Variants in SMPD4 observed in about 807,000 individuals in gnomAD.
The protein encoded by SMPD4 is sphingomyelin phosphodiesterase 4.
In SMPD4, 58 loss-of-function variants were observed where a neutral mutation model predicts 97.8. The observed-to-expected ratio is 0.59, with a 90% CI of 0.48 to 0.74. The LOEUF (loss-of-function observed/expected upper bound fraction) is 0.74, where lower values mean the gene tolerates loss of function less well. SMPD4 is among the 30% of genes least tolerant of loss of function. The pLI is 0.00. For missense variants in SMPD4, 853 were observed against 1,080.5 expected (o/e 0.79, Z 2.95); for synonymous variants, 388 against 450.0 (o/e 0.86, Z 1.74).
Position 130,172,951 on chromosome 2 carries a change from C to T in SMPD4, c.346-56G>A, listed in dbSNP as rs1049146103. ...AGGTGCTGGTGCGTAGTGCCCGATA[C>T]GCAGTACCCCACATGCACAGCAGCA... On this transcript the variant is annotated intron_variant, in intron 5 of 19. Transcript: ENST00000680298. 2.8e-5 allele frequency: 43 copies of T among 1,559,810 alleles called. 1 individual carries two copies. Among genetic ancestry groups the T allele is most frequent in the South Asian group, 2.2e-4 (19 of 85,568 alleles).
chr2:130,171,146 T>TG lies in SMPD4; in HGVS notation c.659+1202_659+1203insC, dbSNP rs574626791. Among the ~76,000 whole-genome samples, 618 of 151,304 alleles carry TG rather than the reference T, an allele frequency of 4.1e-3. 4 individuals carry two copies. Among genetic ancestry groups the TG allele is most frequent in the South Asian group, 0.025 (120 of 4,796 alleles). On this transcript the variant is annotated intron_variant, in intron 8 of 19. Transcript: ENST00000680298. The stretch of plus-strand genomic sequence containing the variant: ...ATATAATTTCTTTTCTTTTTTTTTT[T>TG]TGTGTGTGTGTACAGTGGTGCAATC...
chr2:130,158,448 C>T (rs1279542170), intron 11 of SMPD4, among the ~76,000 whole-genome samples: 2 of 152,112 alleles, frequency 1.3e-5, no homozygotes, highest in East Asian at 3.9e-4. Context: ...TCCTGAGTAG[C>T]TGGGACGACA....
Position 130,164,390 on chromosome 2 carries a change from T to C in SMPD4, c.848A>G (p.Gln283Arg). ...AAAACATACCTTGGCATGAGGGGAC[T>C]GCATTTTTTGATACATCTCCAAGGA... ...HYSLEMYQKM[Q>R]SPHAKLEVLH... Residue 283 changes from glutamine (Q) to arginine (R), a missense_variant, in exon 10 of 20, where the codon CAG (glutamine) becomes CGG (arginine). By Grantham distance (43) the Gln-to-Arg change is conservative. Transcript: ENST00000680298. 1 of 1,614,118 alleles carries C rather than the reference T, an allele frequency of 6.2e-7. No homozygotes were observed. Among genetic ancestry groups the C allele is most frequent in the Non-Finnish European group, 8.5e-7 (1 of 1,179,982 alleles).
At chr2:130,158,067 G>A (rs1192225697) in intron 11 of SMPD4, 1 of 577,148 alleles carries the variant, frequency 1.7e-6, no homozygotes, top group East Asian at 7.9e-5. Flanking sequence ...TTCAGCCCAG[G>A]AGTTTGAGGC....
At chr2:130,173,700 C>T (rs377317182) in intron 3 of SMPD4, 44 bp from the exon 4 acceptor site, 11 of 1,611,810 alleles carry the variant, frequency 6.8e-6, no homozygotes, top group Non-Finnish European at 9.3e-6. Context: ...CCAGCACCCA[C>T]TCCTGCCCCG....
At chr2:130,160,112 T>C (rs1687247307) in intron 11 of SMPD4, among the ~76,000 whole-genome samples, 1 of 152,264 alleles carries the variant, frequency 6.6e-6, no homozygotes, top group South Asian at 2.1e-4. Flanking sequence ...CATTTCCCAC[T>C]GGGCTGAGAC....
At chr2:130,180,309 G>A (rs1453343278) in intron 1 of SMPD4, among the ~76,000 whole-genome samples, 5 of 151,068 alleles carry the variant, frequency 3.3e-5, no homozygotes, top group African/African-American at 1.2e-4. Context: ...TCTGGGCTCT[G>A]TCGCACAGGC....
Position 130,153,727 on chromosome 2 carries a change from A to G in SMPD4, c.1868T>C (p.Leu623Pro). ...CCGGAATATCTGGCGCAGGTACTCC[A>G]GGGCCTTCTCCAGGTATTCATCTGT... ...RKTDEYLEKA[L>P]EYLRQIFRLS... Residue 623 changes from leucine to proline, a missense_variant, in exon 17 of 20, where the codon CTG (leucine) becomes CCG (proline). Around this residue, in one of 3 missense-constraint regions of SMPD4, gnomAD observed 511 missense variants for 608.1 expected, o/e 0.84. Coordinates refer to ENST00000680298, the MANE Select transcript of SMPD4 (RefSeq NM_017951.5). 2 of 1,613,900 alleles carry G rather than the reference A, an allele frequency of 1.2e-6. No individual in the cohort carries two copies. Among genetic ancestry groups the G allele is most frequent in the Non-Finnish European group, 1.7e-6 (2 of 1,179,846 alleles).
Position 130,152,606 on chromosome 2 carries a change from G to A in SMPD4, c.2433C>T (p.Tyr811=), listed in dbSNP as rs748021407. The change falls in exon 20 of 20, where the codon TAC becomes TAT. Residue 811 remains tyrosine, a synonymous_variant. Transcript: ENST00000680298. ...TLLLTLGYVL[Y]ASAMTLLTER... ...CGGTCAGCAGTGTCATGGCAGAGGC[G>A]TAGAGGACATAGCCCAGGGTGAGCA... is the stretch of plus-strand genomic sequence containing the variant. 1.9e-5 allele frequency: 29 copies of A among 1,552,028 alleles called. No individual in the cohort carries two copies. Among genetic ancestry groups the A allele is most frequent in the East Asian group, 7.3e-5 (3 of 41,130 alleles).
chr2:130,151,952 A>T lies in SMPD4; in HGVS notation c.*603T>A, dbSNP rs901437353. On this transcript the variant is annotated 3_prime_UTR_variant, in exon 20 of 20. Coordinates refer to ENST00000680298, the MANE Select transcript of SMPD4 (RefSeq NM_017951.5). ...AGCCCCTGGGCTCTGGGAGGGTCTT[A>T]GGCTCCTGAAACATGGAATTCTACG... 2.0e-5 allele frequency: 3 copies of T among 153,090 alleles called. No individual in the cohort carries two copies. Among genetic ancestry groups the T allele is most frequent in the Non-Finnish European group, 4.4e-5 (3 of 68,430 alleles). The allele number at this position is 153,090 out of a possible 1,614,324, so 9.5% of individuals were successfully genotyped here. A position where few individuals can be genotyped will look rare whatever the true frequency, so the allele number is the denominator to read the frequency against.
At chr2:130,172,285 G>A (rs1688546312) in intron 8 of SMPD4, 64 bp downstream of exon 8, 4 of 1,464,468 alleles carry the variant, frequency 2.7e-6, no homozygotes, top group Non-Finnish European at 3.6e-6. Flanking sequence ...GTCCCCGTGG[G>A]CGATGCAAGT....
intron 9 of SMPD4, among the ~76,000 whole-genome samples, chr2:130,165,743 T>C (rs913117877): frequency 2.6e-5 from 4 of 152,288 alleles, no homozygotes; most frequent in Middle Eastern, 3.4e-3. Flanking sequence ...TTCCTTGTTT[T>C]TCATTAGAAG....
chr2:130,177,525 C>T (rs1384895014), intron 1 of SMPD4, among the ~76,000 whole-genome samples: 1 of 151,908 alleles, frequency 6.6e-6, no homozygotes, highest in Non-Finnish European at 1.5e-5. Flanking sequence ...TGGTGAAAAC[C>T]CGTCTCTACC....
intron 15 of SMPD4, chr2:130,154,800 C>T (rs905528381): frequency 6.1e-5 from 36 of 593,580 alleles, no homozygotes; most frequent in Middle Eastern, 9.1e-4. Context: ...GCGGCCAACA[C>T]GAGTTGCCAG....
Position 130,172,493 on chromosome 2 carries a change from G to C in SMPD4, c.515C>G (p.Pro172Arg). ...ALSLITQKPLPVSLHVRTSDC... is the reference protein window; with the variant it reads ...ALSLITQKPLRVSLHVRTSDC... ...TGAAGTACGGACGTGGAGGGACACA[G>C]GAAGTGGCTGGAAAACCAAGCTAGT... Residue 172 changes from proline to arginine, a missense_variant, in exon 8 of 20, where the codon CCT becomes CGT. Transcript: ENST00000680298. 6.2e-7 allele frequency: 1 copy of C among 1,611,260 alleles called. No individual in the cohort carries two copies. Among genetic ancestry groups the C allele is most frequent in the Middle Eastern group, 1.7e-4 (1 of 6,040 alleles).
At chr2:130,171,754 A>G (rs1046815945) in intron 8 of SMPD4, among the ~76,000 whole-genome samples, 23 of 152,202 alleles carry the variant, frequency 1.5e-4, no homozygotes, top group Non-Finnish European at 2.9e-5. Context: ...GGGGAAGGCG[A>G]TGGGCCAGTG....
intron 1 of SMPD4, chr2:130,181,301 C>G: frequency 7.1e-7 from 1 of 1,411,796 alleles, no homozygotes; most frequent in African/African-American, 1.5e-5. Flanking sequence ...CCTACCGGAC[C>G]GGGACAGAGT....
rs1688611340 is a variant in SMPD4 at position 130,172,909 on chromosome 2, C to T, written c.346-14G>A. ...CTTCACAGGACCCTGCAGAGAGAGG[C>T]AGTGAGGCTTGTGGGCAGGTGCTGG... On this transcript the variant is annotated splice_polypyrimidine_tract_variant and intron_variant, in intron 5 of 19. Coordinates refer to ENST00000680298, the MANE Select transcript of SMPD4 (RefSeq NM_017951.5). The T allele has an allele frequency of 6.2e-7, 1 of 1,604,004 alleles. No individual in the cohort carries two copies. Among genetic ancestry groups the T allele is most frequent in the Non-Finnish European group, 8.5e-7 (1 of 1,175,452 alleles).
chr2:130,160,799 C>G (rs2104835865), intron 11 of SMPD4, among the ~76,000 whole-genome samples: 1 of 152,236 alleles, frequency 6.6e-6, no homozygotes, highest in East Asian at 1.9e-4. Context: ...CAGCTCCTTC[C>G]TAAGCGCCAG....
Sources: gnomAD v4.1 joint callset for allele counts (sites outside exome capture counted in the v4.1 genomes callset) on GRCh38, gnomAD v4.1.1 for gene constraint, gnomAD v4.1.1 regional missense constraint, MANE v1.5 for transcripts, NCBI Gene and HGNC (gene_info 2026-07-23, HGNC 2026-07-21) for gene names.